ESR2: variants seen among roughly 807,000 people sequenced by gnomAD.
The protein encoded by ESR2 is estrogen receptor 2.
Under a neutral mutation model 49.6 loss-of-function variants are expected in ESR2, and 36 were observed. That is an observed-to-expected ratio of 0.73 (90% CI 0.56 to 0.96). The LOEUF (loss-of-function observed/expected upper bound fraction) is 0.96. Among genes scored for constraint, ESR2 ranks in the 40% least tolerant of loss-of-function variants. ESR2 has a pLI of 0.00. For synonymous variants in ESR2, 320 were observed against 266.1 expected, an observed-to-expected ratio of 1.20 and a Z score of -1.97; for missense variants, 714 against 693.0, an observed-to-expected ratio of 1.03 and a Z score of -0.34.
chr14:64,338,412 G>C (rs989090325), upstream of ESR2: 3 of 154,984 alleles, frequency 1.9e-5, no homozygotes, highest in African/African-American at 7.2e-5. Flanking sequence ...CCCGACCCCA[G>C]TCTGGCGGCG....
intron 3 of ESR2, among the ~76,000 whole-genome samples, chr14:64,272,358 A>T (rs1336150749): frequency 6.6e-6 from 1 of 152,006 alleles, no homozygotes; most frequent in Non-Finnish European, 1.5e-5. Context: ...TCTTCACTTC[A>T]TTGATTGTTC....
chr14:64,253,975 A>C (rs1384328684), intron 6 of ESR2, among the ~76,000 whole-genome samples: 1 of 152,170 alleles, frequency 6.6e-6, no homozygotes, highest in African/African-American at 2.4e-5. Context: ...CAGGTTCTTT[A>C]GATCTTCACG....
chr14:64,298,714 T>A (rs1451414956), upstream of ESR2, among the ~76,000 whole-genome samples: 2 of 152,188 alleles, frequency 1.3e-5, no homozygotes, highest in Non-Finnish European at 2.9e-5. Context: ...TGCAGCCAAC[T>A]CTTTCTAAAT....
chr14:64,294,155 T>C lies in ESR2; in HGVS notation c.-213A>G, dbSNP rs1008373241. The C allele has an allele frequency of 3.9e-5, 6 of 152,304 alleles. No individual in the cohort carries two copies. Among genetic ancestry groups the C allele is most frequent in the African/African-American group, 1.2e-4 (5 of 41,464 alleles). 9.4% of individuals were successfully genotyped at this position (152,304 alleles called of 1,614,324 possible). ...TGTTGAGGAAAGCGAGCGCACCTCC[T>C]GCAGCTCAGGCTCCGGGCGCCAGCC... On this transcript the variant is annotated 5_prime_UTR_variant, in exon 1 of 9. Coordinates refer to ENST00000341099, the MANE Select transcript of ESR2 (RefSeq NM_001437.3).
In ESR2 at chr14:64,249,638, T is replaced by C. The variant is rs1184516523; in HGVS notation, c.1133A>G (p.Asp378Gly). Residue 378 changes from aspartate (D) to glycine (G), a missense_variant, in exon 7 of 9, where the codon GAC becomes GGC. Physicochemically the swap from Asp to Gly is moderately conservative, Grantham distance 94 (BLOSUM62 -1). Transcript: ENST00000341099. ...KCVEGILEIF[D>G]MLLATTSRFR... ...CCTTGAAGTAGTTGCCAGGAGCATG[T>C]CAAAGATTTCCAGAATTCCTTCTAC... 1 of 1,613,934 alleles carries C rather than the reference T, an allele frequency of 6.2e-7. No individual in the cohort carries two copies. Among genetic ancestry groups the C allele is most frequent in the Non-Finnish European group, 8.5e-7 (1 of 1,179,918 alleles).
At chr14:64,269,529 AC>A (rs1220490221) in intron 3 of ESR2, among the ~76,000 whole-genome samples, 3 of 152,156 alleles carry the variant, frequency 2.0e-5, no homozygotes, top group African/African-American at 7.2e-5. Context: ...GTTGGGCTTG[AC>A]CACAGGACTT....
chr14:64,319,464 G>A (rs1029946999), intron 1 of ESR2, among the ~76,000 whole-genome samples: 10 of 151,814 alleles, frequency 6.6e-5, no homozygotes, highest in Admixed American at 5.2e-4. Context: ...CTGTGATAGA[G>A]ACTATTAAGA....
chr14:64,242,978 T>C (rs2075771034), intron 7 of ESR2, among the ~76,000 whole-genome samples: 1 of 152,204 alleles, frequency 6.6e-6, no homozygotes. Flanking sequence ...CATTTTTATA[T>C]AACCATCAAA....
chr14:64,261,232 C>CTTTTTTTTTTT lies in ESR2; in HGVS notation c.653-485_653-484insAAAAAAAAAAA, dbSNP rs374264697. ...CAGTCTTTTTAATGCTTTTATTTTT[C>CTTTTTTTTTTT]TTTTTTCTTTTTTTTTTTTTTTTGA... On this transcript the variant is annotated intron_variant, in intron 4 of 8. Transcript: ENST00000341099. Among the ~76,000 whole-genome samples, 107 of 88,648 alleles carry CTTTTTTTTTTT rather than the reference C, an allele frequency of 1.2e-3. 11 individuals carry two copies. Among genetic ancestry groups the CTTTTTTTTTTT allele is most frequent in the East Asian group, 4.3e-3 (9 of 2,072 alleles). 58.2% of individuals were successfully genotyped at this position (88,648 alleles called of 152,430 possible). A position where few individuals can be genotyped will look rare whatever the true frequency, so the allele number is the denominator to read the frequency against.
Position 64,268,911 on chromosome 14 carries a change from C to A in ESR2, c.536G>T (p.Gly179Val). The change falls in exon 4 of 9, where the codon GGA (glycine) becomes GTA (valine). Residue 179 changes from glycine (G) to valine (V), a missense_variant and splice_region_variant. Gly to Val is a moderately radical substitution (Grantham distance 109, BLOSUM62 -3). Coordinates refer to ENST00000341099, the MANE Select transcript of ESR2 (RefSeq NM_001437.3). ...CKAFFKRSIQ[G>V]HNDYICPATN... is the part of the protein sequence containing the mutation. ...AGCTGGACAAATATAATCATTATGTCCTATAGCAGAGTGGGAGGGAAAAAA... is the reference window on the plus strand; with the variant it reads ...AGCTGGACAAATATAATCATTATGTACTATAGCAGAGTGGGAGGGAAAAAA... 5 of 1,565,502 alleles carry A rather than the reference C, an allele frequency of 3.2e-6. No individual in the cohort carries two copies. The highest frequency in any genetic ancestry group is 2.2e-5 in the East Asian group (1 of 44,632).
chr14:64,276,425 G>A (rs764995923), intron 3 of ESR2, among the ~76,000 whole-genome samples: 2 of 152,124 alleles, frequency 1.3e-5, no homozygotes, highest in South Asian at 2.1e-4. Flanking sequence ...TATACATCAC[G>A]TATCAATGTA....
chr14:64,302,513 A>C (rs560691528), intron 1 of ESR2, among the ~76,000 whole-genome samples: 4 of 152,030 alleles, frequency 2.6e-5, no homozygotes, highest in Admixed American at 2.6e-4. Context: ...TTTAAAATAC[A>C]GATTCCCAGC....
At chr14:64,242,417 A>C (rs1019107126) in intron 7 of ESR2, among the ~76,000 whole-genome samples, 54 of 122,830 alleles carry the variant, frequency 4.4e-4, no homozygotes, top group African/African-American at 1.2e-3. Flanking sequence ...AAAAAAAAAA[A>C]CAAAAAAAAC....
chr14:64,316,371 G>T (rs569414826), intron 1 of ESR2, among the ~76,000 whole-genome samples: 1 of 152,142 alleles, frequency 6.6e-6, no homozygotes, highest in Non-Finnish European at 1.5e-5. Context: ...GGTCTCACTG[G>T]AGAATTCTAT....
Position 64,260,680 on chromosome 14 carries a change from AG to A in ESR2, c.720del (p.Cys241ValfsTer23). The A allele has an allele frequency of 1.3e-6, 2 of 1,560,056 alleles. No individual in the cohort carries two copies. The highest frequency in any genetic ancestry group is 1.9e-5 in the Admixed American group (1 of 53,020). On this transcript the variant is annotated frameshift_variant, in exon 5 of 9. Coordinates refer to ENST00000341099, the MANE Select transcript of ESR2 (RefSeq NM_001437.3). LOFTEE classifies it high-confidence loss of function. ...CCACTTCTCTTGGCCTTGCCGGCAC[AG>A]TGCAGCTGCTCGTCGGCACTTCTCT... is the stretch of plus-strand genomic sequence containing the variant. ...RRQRSADEQL[H>X]CAGKAKRSGG...
intron 7 of ESR2, among the ~76,000 whole-genome samples, chr14:64,240,519 A>G (rs1160363190): frequency 5.9e-5 from 9 of 152,198 alleles, no homozygotes; most frequent in Admixed American, 3.9e-4. Context: ...TGCTTTCATT[A>G]CATTGTTTAC....
intron 5 of ESR2, 102 bp downstream of exon 5, chr14:64,260,347 T>C: frequency 2.6e-6 from 3 of 1,144,752 alleles, no homozygotes; most frequent in Non-Finnish European, 3.9e-6. Context: ...GTTAAATATC[T>C]AGGCACAGCT....
intron 4 of ESR2, 103 bp downstream of exon 4, chr14:64,268,692 A>G (rs968057666): frequency 4.2e-6 from 3 of 710,052 alleles, no homozygotes; most frequent in Non-Finnish European, 7.5e-6. Flanking sequence ...CTTAATTACT[A>G]TGTCCCAAAT....
At chr14:64,242,370 A>G (rs1342451661) in intron 7 of ESR2, among the ~76,000 whole-genome samples, 1 of 151,336 alleles carries the variant, frequency 6.6e-6, no homozygotes, top group Non-Finnish European at 1.5e-5. Context: ...GATAGCACCA[A>G]TGCACTCCAG....
Sources: gnomAD v4.1 joint callset for allele counts (sites outside exome capture counted in the v4.1 genomes callset) on GRCh38, gnomAD v4.1.1 for gene constraint, MANE v1.5 for transcripts, NCBI Gene and HGNC (gene_info 2026-07-23, HGNC 2026-07-21) for gene names.